Variants in RNF6 observed in about 807,000 individuals in gnomAD.
RNF6 encodes the protein E3 ubiquitin-protein ligase RNF6.
A neutral mutation model predicts 50.1 loss-of-function variants in RNF6; 21 were observed. The ratio of observed to expected loss-of-function variants is 0.42; its 90% CI spans 0.30 to 0.60. The LOEUF (loss-of-function observed/expected upper bound fraction) is 0.60. RNF6 is among the 20% of genes least tolerant of loss of function. The probability of loss-of-function intolerance (pLI) is 0.20; values close to 1 mark genes in which losing one functional copy is unlikely to be tolerated. For synonymous variants in RNF6, 255 were observed against 291.8 expected (o/e 0.87, Z 1.29); for missense variants, 698 against 838.2 (o/e 0.83, Z 2.07).
chr13:26,184,435 G>A (rs1352463668), intron 5 of RNF6, among the ~76,000 whole-genome samples: 1 of 151,840 alleles, frequency 6.6e-6, no homozygotes, highest in African/African-American at 2.4e-5. Flanking sequence ...ACATGTTGTT[G>A]TATAAAAATC....
intron 5 of RNF6, chr13:26,145,033 T>C (rs1271681256): frequency 6.6e-6 from 1 of 152,046 alleles, no homozygotes; most frequent in Non-Finnish European, 1.5e-5. Context: ...TGACACAGAG[T>C]TGATATACTC....
At position 26,132,776 on chromosome 13, in the gene RNF6, A is replaced by AT. The variant is rs569084879; in HGVS notation, n.769-326dup. ...GATACATTTATGTATGTAGCTGATG[A>AT]TTTTGAACTATCGATCACACTTTGA... is the stretch of plus-strand genomic sequence containing the variant. On this transcript the variant is annotated intron_variant and non_coding_transcript_variant, in intron 5 of 5. Transcript: ENST00000468480. 1.6e-3 allele frequency among the ~76,000 whole-genome samples: 250 copies of AT among 152,350 alleles called. 1 individual carries two copies. Among genetic ancestry groups the AT allele is most frequent in the Non-Finnish European group, 2.5e-3 (170 of 68,036 alleles).
intron 5 of RNF6, among the ~76,000 whole-genome samples, chr13:26,151,324 GCTAT>G (rs978535915): frequency 6.6e-6 from 1 of 151,750 alleles, no homozygotes; most frequent in Non-Finnish European, 1.5e-5. Flanking sequence ...GTGCAGTGGT[GCTAT>G]CTCAGCTCAC....
intron 5 of RNF6, among the ~76,000 whole-genome samples, chr13:26,139,646 A>C (rs1366686373): frequency 6.6e-6 from 1 of 152,202 alleles, no homozygotes; most frequent in Non-Finnish European, 1.5e-5. Context: ...GGAAATTGAC[A>C]TCTTTATAAT....
chr13:26,218,705 A>C, intron 3 of RNF6, 99 bp from the exon 4 acceptor site: 1 of 825,230 alleles, frequency 1.2e-6, no homozygotes, highest in Non-Finnish European at 2.0e-6. Flanking sequence ...TAGAAGACAA[A>C]TGTCTTATTA....
At chr13:26,184,593 T>C (rs1321002022) in intron 5 of RNF6, among the ~76,000 whole-genome samples, 1 of 152,210 alleles carries the variant, frequency 6.6e-6, no homozygotes, top group Non-Finnish European at 1.5e-5. Flanking sequence ...TATCTAATTG[T>C]TTCCCCTTTA....
At chr13:26,185,079 C>T (rs887322468) in intron 5 of RNF6, among the ~76,000 whole-genome samples, 6 of 152,118 alleles carry the variant, frequency 3.9e-5, no homozygotes, top group Admixed American at 2.6e-4. Flanking sequence ...TCATTGCAGC[C>T]TCAACTTCCC....
chr13:26,167,369 A>G (rs1339100845), intron 5 of RNF6, among the ~76,000 whole-genome samples: 1 of 152,096 alleles, frequency 6.6e-6, no homozygotes, highest in African/African-American at 2.4e-5. Context: ...AAAACAAACA[A>G]CCCCATTAAA....
chr13:26,204,040 G>T (rs1429211061), intron 5 of RNF6, among the ~76,000 whole-genome samples: 1 of 152,108 alleles, frequency 6.6e-6, no homozygotes, highest in South Asian at 2.1e-4. Context: ...TCTCTGGAAG[G>T]TGTCAGACCC....
chr13:26,144,115 G>A (rs1413799777), intron 5 of RNF6, among the ~76,000 whole-genome samples: 1 of 150,524 alleles, frequency 6.6e-6, no homozygotes, highest in East Asian at 1.9e-4. Flanking sequence ...CTCTGCTGCT[G>A]GCACATTGGG....
intron 5 of RNF6, among the ~76,000 whole-genome samples, chr13:26,198,857 G>C (rs1868781670): frequency 6.6e-6 from 1 of 151,898 alleles, no homozygotes; most frequent in South Asian, 2.1e-4. Flanking sequence ...GTTGGAAATT[G>C]AAAGTGTGAA....
chr13:26,179,505 C>A (rs1196326324), intron 5 of RNF6, among the ~76,000 whole-genome samples: 1 of 152,174 alleles, frequency 6.6e-6, no homozygotes, highest in Non-Finnish European at 1.5e-5. Flanking sequence ...CATTGCAGGA[C>A]CTCCTGTTCT....
intron 5 of RNF6, among the ~76,000 whole-genome samples, chr13:26,171,005 G>A (rs986289416): frequency 5.9e-5 from 9 of 152,128 alleles, no homozygotes; most frequent in Admixed American, 5.2e-4. Flanking sequence ...GTTTGGCAAC[G>A]ATTTCTTGCA....
intron 5 of RNF6, among the ~76,000 whole-genome samples, chr13:26,142,064 C>G (rs1870982110): frequency 2.6e-5 from 4 of 152,024 alleles, no homozygotes; most frequent in Admixed American, 2.6e-4. Flanking sequence ...AAAACGTGGG[C>G]TAAGAACATG....
intron 5 of RNF6, among the ~76,000 whole-genome samples, chr13:26,132,890 C>T (rs1275256416): frequency 6.6e-6 from 1 of 152,088 alleles, no homozygotes; most frequent in Admixed American, 6.6e-5. Flanking sequence ...TCCTGGGATC[C>T]ACCCACAGGG....
chr13:26,161,093 G>A (rs892986478), intron 5 of RNF6, among the ~76,000 whole-genome samples: 1 of 152,122 alleles, frequency 6.6e-6, no homozygotes, highest in Non-Finnish European at 1.5e-5. Context: ...GTTATCCTCA[G>A]CTCTCTGATT....
chr13:26,218,838 G>C (rs1159743487), intron 3 of RNF6, among the ~76,000 whole-genome samples: 2 of 152,080 alleles, frequency 1.3e-5, no homozygotes, highest in African/African-American at 4.8e-5. Flanking sequence ...GATTTAATTT[G>C]AATAGTTGGT....
intron 5 of RNF6, among the ~76,000 whole-genome samples, chr13:26,203,552 C>A (rs1331086301): frequency 6.6e-6 from 1 of 152,230 alleles, no homozygotes; most frequent in African/African-American, 2.4e-5. Flanking sequence ...GTGCTCAGGC[C>A]CAGGCCATGC....
chr13:26,205,391 T>A (rs1017561434), intron 5 of RNF6, among the ~76,000 whole-genome samples: 3 of 152,232 alleles, frequency 2.0e-5, no homozygotes, highest in Non-Finnish European at 2.9e-5. Flanking sequence ...CTCAATGTTA[T>A]AAAATCACTG....
Sources: allele counts gnomAD v4.1 joint callset (sites outside exome capture counted in the v4.1 genomes callset), GRCh38; gene constraint gnomAD v4.1.1; transcripts MANE v1.5; gene names NCBI Gene and HGNC (gene_info 2026-07-23, HGNC 2026-07-21).